The following DYNC2H1 variants were observed in gnomAD, a reference collection of about 807,000 sequenced individuals.
DYNC2H1 encodes the protein cytoplasmic dynein 2 heavy chain 1.
DYNC2H1 carries 410 observed loss-of-function variants against 570.0 expected under a neutral mutation model. That is an observed-to-expected ratio of 0.72 (90% CI 0.66 to 0.78). The LOEUF is 0.78. DYNC2H1 is among the 30% of genes least tolerant of loss of function. The pLI is 0.00. For synonymous variants in DYNC2H1, 1,688 were observed against 1,677.6 expected, an observed-to-expected ratio of 1.01 and a Z score of -0.15; for missense variants, 4,865 against 5,046.4, an observed-to-expected ratio of 0.96 and a Z score of 1.09.
chr11:103,223,373 T>G (rs1479979970), intron 59 of DYNC2H1, among the ~76,000 whole-genome samples: 1 of 152,016 alleles, frequency 6.6e-6, no homozygotes, highest in Non-Finnish European at 1.5e-5. Context: ...AGGAATTTTT[T>G]TTGTTGTTGT....
intron 52 of DYNC2H1, among the ~76,000 whole-genome samples, chr11:103,206,839 G>C (rs1435065870): frequency 6.6e-6 from 1 of 152,138 alleles, no homozygotes; most frequent in Non-Finnish European, 1.5e-5. Context: ...TGGAGACAAT[G>C]AATGTGGGTA....
chr11:103,279,019 C>T (rs193203412), intron 70 of DYNC2H1, among the ~76,000 whole-genome samples: 2 of 152,312 alleles, frequency 1.3e-5, no homozygotes, highest in Admixed American at 6.5e-5. Flanking sequence ...GGATTAAAAA[C>T]ATTCTTCCCA....
intron 53 of DYNC2H1, among the ~76,000 whole-genome samples, chr11:103,210,398 T>A (rs1473681348): frequency 6.6e-6 from 1 of 152,018 alleles, no homozygotes; most frequent in Non-Finnish European, 1.5e-5. Context: ...TATTTTCTCT[T>A]CAAATTAATT....
chr11:103,379,709 G>A lies in DYNC2H1; in HGVS notation c.12157-19954G>A, dbSNP rs146147031. Among the ~76,000 whole-genome samples the A allele has an allele frequency of 5.5e-3, 842 of 152,204 alleles. 3 individuals are homozygous for A. Among genetic ancestry groups the A allele is most frequent in the Middle Eastern group, 0.014 (4 of 292 alleles). ...CTATAGCAAAGCAGATCTTATTGTT[G>A]CATGAACAAACCATGACAGATTCTG... On this transcript the variant is annotated intron_variant, in intron 83 of 88. Transcript: ENST00000375735.
At position 103,133,778 on chromosome 11, in the gene DYNC2H1, TA is replaced by T; in HGVS notation, c.2106+76del. 2 of 1,409,780 alleles carry T rather than the reference TA, an allele frequency of 1.4e-6. No homozygotes were observed. The highest frequency in any genetic ancestry group is 1.9e-6 in the Non-Finnish European group (2 of 1,054,932). 87.3% of individuals were successfully genotyped at this position (1,409,780 alleles called of 1,614,324 possible). On this transcript the variant is annotated intron_variant, in intron 14 of 88. Coordinates refer to ENST00000375735, the MANE Select transcript of DYNC2H1 (RefSeq NM_001377.3). The surrounding 1 kb of genome is among the most constrained non-coding windows in gnomAD (Gnocchi z 4.8). ...TAAAAAGTCATTAAGATACAATTTT[TA>T]AAAACTTATTTTGAAATAATTTGAG...
intron 84 of DYNC2H1, among the ~76,000 whole-genome samples, chr11:103,426,337 CTG>C (rs1343939548): frequency 6.6e-6 from 1 of 152,172 alleles, no homozygotes; most frequent in Non-Finnish European, 1.5e-5. Flanking sequence ...CTTTATATTT[CTG>C]TGTGTGTGTC....
intron 29 of DYNC2H1, among the ~76,000 whole-genome samples, chr11:103,161,685 A>G (rs1276844163): frequency 6.6e-6 from 1 of 152,126 alleles, no homozygotes; most frequent in African/African-American, 2.4e-5. Flanking sequence ...GGAACATGGT[A>G]CTCAATACAT....
intron 87 of DYNC2H1, among the ~76,000 whole-genome samples, chr11:103,459,957 T>TC (rs775544230): frequency 0.08 from 6,107 of 75,912 alleles, 427 homozygotes; most frequent in East Asian, 0.23. Flanking sequence ...AGACTCCGTC[T>TC]CAAAAAAAAA....
chr11:103,329,737 T>C (rs1938681462), intron 82 of DYNC2H1, among the ~76,000 whole-genome samples: 1 of 152,184 alleles, frequency 6.6e-6, no homozygotes, highest in African/African-American at 2.4e-5. Context: ...ACCTGTTTGC[T>C]GATGGTACCC....
At chr11:103,302,248 T>TTTTTTTTTTTTTTTTTTTTTTGAG (rs1565477699) in intron 75 of DYNC2H1, among the ~76,000 whole-genome samples, 1 of 152,108 alleles carries the variant, frequency 6.6e-6, no homozygotes, top group Non-Finnish European at 1.5e-5. Context: ...TTAGTTTTCT[T>TTTTTTTTTTTTTTTTTTTTTTGAG]ACCTATAAAA....
intron 83 of DYNC2H1, among the ~76,000 whole-genome samples, chr11:103,375,655 T>A (rs565143791): frequency 6.6e-6 from 1 of 152,352 alleles, no homozygotes; most frequent in South Asian, 2.1e-4. Context: ...CATTTTGGAC[T>A]TGCATGGGGC....
At chr11:103,191,875 T>A (rs912159106) in intron 46 of DYNC2H1, among the ~76,000 whole-genome samples, 1 of 152,112 alleles carries the variant, frequency 6.6e-6, no homozygotes, top group African/African-American at 2.4e-5. Context: ...GAATTATTTT[T>A]GTTGAACAAC....
chr11:103,324,087 T>G lies in DYNC2H1; in HGVS notation c.12039+97T>G. 1 of 577,142 alleles carries G rather than the reference T, an allele frequency of 1.7e-6. No homozygotes were observed. Among genetic ancestry groups the G allele is most frequent in the East Asian group, 3.4e-5 (1 of 28,994 alleles). The allele number at this position is 577,142 out of a possible 1,614,324, so 35.8% of individuals were successfully genotyped here. The stretch of plus-strand genomic sequence containing the variant: ...TTTAGTACTGTAGACCCCACAAGCT[T>G]TATTTAAACATTTTATTTTCACAAC... On this transcript the variant is annotated intron_variant, in intron 82 of 88. Coordinates refer to ENST00000375735, the MANE Select transcript of DYNC2H1 (RefSeq NM_001377.3). This position sits in a 1 kb window ranked among gnomAD's most constrained non-coding sequence, Gnocchi z 5.2.
At chr11:103,370,128 A>G (rs1397632612) in intron 83 of DYNC2H1, among the ~76,000 whole-genome samples, 12 of 152,224 alleles carry the variant, frequency 7.9e-5, no homozygotes, top group Admixed American at 3.9e-4. Context: ...CATTCACTAC[A>G]AGTGGACTGA....
intron 75 of DYNC2H1, 48 bp downstream of exon 75, chr11:103,287,653 G>T: frequency 6.8e-7 from 1 of 1,462,138 alleles, no homozygotes; most frequent in Non-Finnish European, 9.3e-7. Flanking sequence ...TGAATTATTT[G>T]TTTTTAATTT....
At chr11:103,146,770 T>G (rs1860262578) in intron 18 of DYNC2H1, among the ~76,000 whole-genome samples, 1 of 152,094 alleles carries the variant, frequency 6.6e-6, no homozygotes, top group Non-Finnish European at 1.5e-5. Context: ...GCCTGGCTAA[T>G]TTTTATATTT....
chr11:103,163,463 G>A lies in DYNC2H1; in HGVS notation c.4611+316G>A, dbSNP rs75489933. ...TCTATAACACTGTTGTCCCCTACCCGTCCATCCCTCCCATGGGATCATCTA... is the reference window on the plus strand; with the variant it reads ...TCTATAACACTGTTGTCCCCTACCCATCCATCCCTCCCATGGGATCATCTA... On this transcript the variant is annotated intron_variant, in intron 30 of 88. Transcript: ENST00000375735. This position sits in a 1 kb window ranked among gnomAD's most constrained non-coding sequence, Gnocchi z 4.6. 0.025 allele frequency among the ~76,000 whole-genome samples: 3,747 copies of A among 152,140 alleles called. 173 individuals are homozygous for A. The highest frequency in any genetic ancestry group is 0.085 in the African/African-American group (3,539 of 41,488).
At position 103,442,484 on chromosome 11, in the gene DYNC2H1, A is replaced by C. The variant is rs531424771; in HGVS notation, c.12456+6452A>C. ...TACAAAATGTTGAGTCAAATTTTGC[A>C]CAGGGACAGTAATTTCTCAGCAGTA... On this transcript the variant is annotated intron_variant, in intron 85 of 88. Transcript: ENST00000375735. 2.7e-3 allele frequency among the ~76,000 whole-genome samples: 412 copies of C among 152,224 alleles called. 3 individuals are homozygous for C. The highest frequency in any genetic ancestry group is 9.5e-3 in the African/African-American group (395 of 41,564).
chr11:103,198,610 G>A (rs749035063), intron 48 of DYNC2H1, among the ~76,000 whole-genome samples: 3 of 152,136 alleles, frequency 2.0e-5, no homozygotes, highest in African/African-American at 4.8e-5. Context: ...TATATTGAAT[G>A]TTAGTGTGGA....
Sources: allele counts gnomAD v4.1 joint callset (sites outside exome capture counted in the v4.1 genomes callset), GRCh38; gene constraint gnomAD v4.1.1; non-coding constraint Gnocchi (gnomAD v3.1); transcripts MANE v1.5; gene names NCBI Gene and HGNC (gene_info 2026-07-23, HGNC 2026-07-21).